Variants in CCDC90B observed in about 807,000 individuals in gnomAD.
CCDC90B encodes coiled-coil domain-containing protein 90B, mitochondrial.
CCDC90B carries 24 observed loss-of-function variants against 37.0 expected under a neutral mutation model. The ratio of observed to expected loss-of-function variants is 0.65; its 90% CI spans 0.47 to 0.91. The LOEUF (loss-of-function observed/expected upper bound fraction) is 0.91. Among genes scored for constraint, CCDC90B ranks in the 40% least tolerant of loss-of-function variants. The pLI, the probability that CCDC90B is intolerant of heterozygous loss-of-function variation, is 0.00. For synonymous variants in CCDC90B, 113 were observed against 101.1 expected, an observed-to-expected ratio of 1.12 and a Z score of -0.71; for missense variants, 319 against 299.0, an observed-to-expected ratio of 1.07 and a Z score of -0.49.
intron 8 of CCDC90B, among the ~76,000 whole-genome samples, chr11:83,263,529 C>A (rs1053869035): frequency 1.3e-5 from 2 of 152,206 alleles, no homozygotes; most frequent in Admixed American, 1.3e-4. Flanking sequence ...TAAACATTAG[C>A]TTTCATTATT....
intron 8 of CCDC90B, among the ~76,000 whole-genome samples, chr11:83,263,485 G>C (rs1323260788): frequency 6.6e-6 from 1 of 152,144 alleles, no homozygotes; most frequent in African/African-American, 2.4e-5. Context: ...AAATGCTTAG[G>C]TGAGCATATG....
At position 83,278,742 on chromosome 11, in the gene CCDC90B, A is replaced by C. The variant is rs1565218017; in HGVS notation, c.308T>G (p.Val103Gly). The C allele has an allele frequency of 1.9e-6, 3 of 1,608,762 alleles. No homozygotes were observed. The highest frequency in any genetic ancestry group is 2.6e-6 in the Non-Finnish European group (3 of 1,176,132). ...VSLDTIYKEMVTQAQQEITVQ... is the reference protein window; with the variant it reads ...VSLDTIYKEMGTQAQQEITVQ... ...GTGTATTACCTGTTGAGCTTGAGTGACCATCTCTTTATAGATAGTATCCAG... is the reference window on the plus strand; with the variant it reads ...GTGTATTACCTGTTGAGCTTGAGTGCCCATCTCTTTATAGATAGTATCCAG... Residue 103 changes from valine to glycine, a missense_variant, in exon 3 of 9, where the codon GTC (valine) becomes GGC (glycine). Val to Gly is a moderately radical substitution (Grantham distance 109). Transcript: ENST00000529689.
chr11:83,265,814 G>C (rs552214223), intron 8 of CCDC90B, 51 bp downstream of exon 8: 17 of 1,155,200 alleles, frequency 1.5e-5, no homozygotes, highest in South Asian at 2.6e-5. Flanking sequence ...TTGATAGGTA[G>C]AACTAACAGG....
chr11:83,286,002 C>T lies in CCDC90B; in HGVS notation c.-30G>A. On this transcript the variant is annotated 5_prime_UTR_variant, in exon 1 of 9. Coordinates refer to ENST00000529689, the MANE Select transcript of CCDC90B (RefSeq NM_021825.5). ...TCAGAGTTTTCCGGTGGGAGGGAGG[C>T]GGAAGACGGGGTAAATCTCGCACAG... 5.7e-6 allele frequency: 9 copies of T among 1,590,084 alleles called. No individual in the cohort carries two copies. Among genetic ancestry groups the T allele is most frequent in the South Asian group, 1.1e-5 (1 of 87,850 alleles).
At chr11:83,266,221 A>G (rs1183125295) in intron 7 of CCDC90B, among the ~76,000 whole-genome samples, 1 of 152,150 alleles carries the variant, frequency 6.6e-6, no homozygotes, top group South Asian at 2.1e-4. Flanking sequence ...TGCATTTCCA[A>G]CTGAGGTACC....
intron 1 of CCDC90B, among the ~76,000 whole-genome samples, chr11:83,283,708 T>A (rs1387972553): frequency 3.9e-5 from 6 of 152,224 alleles, no homozygotes; most frequent in African/African-American, 1.2e-4. Flanking sequence ...ATGCCTGTAA[T>A]CCTAGCACTT....
At chr11:83,264,091 G>A (rs1258053514) in intron 8 of CCDC90B, among the ~76,000 whole-genome samples, 1 of 152,154 alleles carries the variant, frequency 6.6e-6, no homozygotes, top group African/African-American at 2.4e-5. Flanking sequence ...GGGCCACCAA[G>A]ATATGTGTGT....
chr11:83,265,846 C>A lies in CCDC90B; in HGVS notation c.709+19G>T. The stretch of plus-strand genomic sequence containing the variant: ...CAGGAAAATTAGATGACAGCAATTT[C>A]TTTCTCTGACAGTCTTACCTGCAAG... On this transcript the variant is annotated intron_variant, in intron 8 of 8. Transcript: ENST00000529689. 1.1e-5 allele frequency: 17 copies of A among 1,479,430 alleles called. No homozygotes were observed. The highest frequency in any genetic ancestry group is 1.5e-5 in the Non-Finnish European group (16 of 1,063,470). The allele number at this position is 1,479,430 out of a possible 1,614,324, so 91.6% of individuals were successfully genotyped here.
chr11:83,264,370 T>C (rs759398370), intron 8 of CCDC90B, among the ~76,000 whole-genome samples: 1 of 152,152 alleles, frequency 6.6e-6, no homozygotes, highest in Non-Finnish European at 1.5e-5. Context: ...GATGTTTATA[T>C]ACAGAAGAAA....
At chr11:83,279,842 C>T (rs1865280029) in intron 2 of CCDC90B, among the ~76,000 whole-genome samples, 1 of 151,830 alleles carries the variant, frequency 6.6e-6, no homozygotes, top group South Asian at 2.1e-4. Flanking sequence ...TAATCTCAAA[C>T]ATTTGTACTT....
intron 2 of CCDC90B, among the ~76,000 whole-genome samples, chr11:83,279,815 GCTTT>G (rs1367636637): frequency 6.7e-6 from 1 of 149,526 alleles, no homozygotes; most frequent in African/African-American, 2.5e-5. Context: ...AATTTTTTGT[GCTTT>G]TTTTTTATTT....
At position 83,259,542 on chromosome 11, in the gene CCDC90B, A is replaced by C. The variant is rs1863840126; in HGVS notation, c.*2369T>G. 1 of 152,218 alleles carries C rather than the reference A, an allele frequency of 6.6e-6. No individual in the cohort carries two copies. The highest frequency in any genetic ancestry group is 2.4e-5 in the African/African-American group (1 of 41,448). 9.4% of individuals were successfully genotyped at this position (152,218 alleles called of 1,614,324 possible). A position where few individuals can be genotyped will look rare whatever the true frequency, so the allele number is the denominator to read the frequency against. The stretch of plus-strand genomic sequence containing the variant: ...TATTTGTTGGGGCTTGAGAAGGTCC[A>C]ATAAATGGCATACCTCCTTTCCATT... On this transcript the variant is annotated 3_prime_UTR_variant, in exon 9 of 9. Coordinates refer to ENST00000529689, the MANE Select transcript of CCDC90B (RefSeq NM_021825.5).
rs1332442817 is a variant in CCDC90B at position 83,286,214 on chromosome 11, C to T, written c.-242G>A. 1.3e-6 allele frequency: 2 copies of T among 1,525,704 alleles called. No individual in the cohort carries two copies. The highest frequency in any genetic ancestry group is 3.9e-5 in the Admixed American group (2 of 50,674). 94.5% of individuals were successfully genotyped at this position (1,525,704 alleles called of 1,614,324 possible). A position where few individuals can be genotyped will look rare whatever the true frequency, so the allele number is the denominator to read the frequency against. ...GCTTCTCCCAGCGCCCCTTCCCGAC[C>T]TTTGAACGCCTTCACCGCCCTAGGA... On this transcript the variant is annotated 5_prime_UTR_variant, in exon 1 of 9. Transcript: ENST00000529689.
intron 1 of CCDC90B, among the ~76,000 whole-genome samples, chr11:83,282,465 CTGA>C (rs1865445719): frequency 3.9e-5 from 6 of 152,286 alleles, no homozygotes; most frequent in African/African-American, 1.4e-4. Context: ...AACAAACACT[CTGA>C]ATACCAGCAG....
chr11:83,267,610 C>T (rs1241093175), intron 7 of CCDC90B: 1 of 152,106 alleles, frequency 6.6e-6, no homozygotes, highest in African/African-American at 2.4e-5. Context: ...AAATATGGGA[C>T]TATGTGAAAA....
At position 83,286,348 on chromosome 11, in the gene CCDC90B, G is replaced by A. The variant is rs576075301; in HGVS notation, c.-376C>T. On this transcript the variant is annotated 5_prime_UTR_variant, in exon 1 of 9. Coordinates refer to ENST00000529689, the MANE Select transcript of CCDC90B (RefSeq NM_021825.5). ...CAGCGGCCATTACGCGCTTGGGTCGGGGGAGATGGAGTCGCATTTAGCCGC... is the reference window on the plus strand; with the variant it reads ...CAGCGGCCATTACGCGCTTGGGTCGAGGGAGATGGAGTCGCATTTAGCCGC... The A allele has an allele frequency of 1.4e-3, 952 of 695,098 alleles. 1 individual carries two copies. The highest frequency in any genetic ancestry group is 1.7e-3 in the Non-Finnish European group (732 of 424,124). The allele number at this position is 695,098 out of a possible 1,614,324, so 43.1% of individuals were successfully genotyped here.
intron 8 of CCDC90B, among the ~76,000 whole-genome samples, chr11:83,263,189 G>A (rs1439502954): frequency 9.2e-5 from 14 of 152,104 alleles, no homozygotes. Flanking sequence ...GAGTCACATA[G>A]TGCTATCTAA....
chr11:83,271,015 A>C (rs1325808803), intron 7 of CCDC90B, among the ~76,000 whole-genome samples: 2 of 152,178 alleles, frequency 1.3e-5, no homozygotes, highest in East Asian at 1.9e-4. Flanking sequence ...CAAAAACAAG[A>C]AATGGGGAAA....
chr11:83,277,773 GGT>G (rs1865135615), intron 3 of CCDC90B, among the ~76,000 whole-genome samples: 1 of 151,978 alleles, frequency 6.6e-6, no homozygotes, highest in Non-Finnish European at 1.5e-5. Flanking sequence ...TGGGATTACA[GGT>G]GTGACCCACG....
Sources: gnomAD v4.1 joint callset for allele counts (sites outside exome capture counted in the v4.1 genomes callset) on GRCh38, gnomAD v4.1.1 for gene constraint, MANE v1.5 for transcripts, NCBI Gene and HGNC (gene_info 2026-07-23, HGNC 2026-07-21) for gene names.